Variants in ZBTB20 observed in about 807,000 individuals in gnomAD.
The protein encoded by ZBTB20 is zinc finger and BTB domain-containing protein 20.
In ZBTB20, 9 loss-of-function variants were observed where a neutral mutation model predicts 56.9. The observed-to-expected ratio is 0.16, with a 90% confidence interval of 0.10 to 0.28. ZBTB20 has a LOEUF of 0.28. Among genes scored for constraint, ZBTB20 ranks in the 10% least tolerant of loss-of-function variants. The pLI is 1.00. For missense variants in ZBTB20, 655 were observed against 1,003.0 expected (o/e 0.65, Z 4.69); for synonymous variants, 417 against 420.7 (o/e 0.99, Z 0.11).
At chr3:114,922,740 G>A (rs1338702447) in intron 3 of ZBTB20, among the ~76,000 whole-genome samples, 1 of 152,146 alleles carries the variant, frequency 6.6e-6, no homozygotes, top group Non-Finnish European at 1.5e-5. Flanking sequence ...AGATTACAAG[G>A]CAAGAGAGAA....
At chr3:114,831,593 G>C (rs2073846941) in intron 4 of ZBTB20, among the ~76,000 whole-genome samples, 1 of 151,996 alleles carries the variant, frequency 6.6e-6, no homozygotes, top group Non-Finnish European at 1.5e-5. Context: ...GTACTGCCTA[G>C]GTTGTAAGCT....
chr3:114,914,818 C>T (rs1023008563), intron 3 of ZBTB20, among the ~76,000 whole-genome samples: 1 of 151,524 alleles, frequency 6.6e-6, no homozygotes, highest in Non-Finnish European at 1.5e-5. Flanking sequence ...CCAGCATCAA[C>T]TGAAATAATC....
intron 5 of ZBTB20, among the ~76,000 whole-genome samples, chr3:114,762,176 T>A (rs2068486728): frequency 6.6e-6 from 1 of 152,166 alleles, no homozygotes; most frequent in African/African-American, 2.4e-5. Context: ...CACCAGTTAA[T>A]AATAGAAAAA....
chr3:114,855,571 C>T (rs2107451468), intron 4 of ZBTB20, among the ~76,000 whole-genome samples: 1 of 152,100 alleles, frequency 6.6e-6, no homozygotes, highest in South Asian at 2.1e-4. Flanking sequence ...GAAGGTAAAC[C>T]AAAAACTAGG....
At position 114,322,324 on chromosome 3, in the gene ZBTB20, G is replaced by A. The variant is rs535387105; in HGVS notation, c.*16681C>T. 6.6e-6 allele frequency: 1 copy of A among 152,242 alleles called. No individual in the cohort carries two copies. The highest frequency in any genetic ancestry group is 2.1e-4 in the South Asian group (1 of 4,812). 9.4% of individuals were successfully genotyped at this position (152,242 alleles called of 1,614,324 possible). A position where few individuals can be genotyped will look rare whatever the true frequency, so the allele number is the denominator to read the frequency against. On this transcript the variant is annotated 3_prime_UTR_variant, in exon 12 of 12. Transcript: ENST00000675478. Reference sequence around the variant, plus strand: ...TTTTAAACCTCTGATCAAATCCAAAGTCATAAAGATAGTTCAGTACGTCCT... The same window carrying A: ...TTTTAAACCTCTGATCAAATCCAAAATCATAAAGATAGTTCAGTACGTCCT...
intron 7 of ZBTB20, among the ~76,000 whole-genome samples, chr3:114,491,261 C>T (rs200052227): frequency 6.6e-6 from 1 of 152,204 alleles, no homozygotes; most frequent in East Asian, 1.9e-4. Flanking sequence ...GGTCCCCAAA[C>T]TGCTGGAGAA....
At chr3:114,778,365 C>T (rs2069794364) in intron 5 of ZBTB20, among the ~76,000 whole-genome samples, 1 of 149,244 alleles carries the variant, frequency 6.7e-6, no homozygotes, top group African/African-American at 2.5e-5. Flanking sequence ...AAAACAGCAA[C>T]AACAACAAAA....
intron 7 of ZBTB20, among the ~76,000 whole-genome samples, chr3:114,390,036 T>G (rs2085677836): frequency 6.6e-6 from 1 of 152,196 alleles, no homozygotes; most frequent in Admixed American, 6.5e-5. Flanking sequence ...TCTCTGGAGT[T>G]ATTCCTCCTG....
chr3:114,438,456 C>T (rs1300894607), intron 7 of ZBTB20, among the ~76,000 whole-genome samples: 1 of 146,832 alleles, frequency 6.8e-6, no homozygotes, highest in Non-Finnish European at 1.5e-5. Context: ...CAAAACAAAA[C>T]TTGGCTGAGA....
chr3:114,568,026 A>G (rs2052986098), intron 6 of ZBTB20, among the ~76,000 whole-genome samples: 1 of 152,222 alleles, frequency 6.6e-6, no homozygotes, highest in African/African-American at 2.4e-5. Flanking sequence ...CAGCAGTGTT[A>G]AAGGTGTCAG....
At chr3:114,681,543 T>G (rs2061974907) in intron 6 of ZBTB20, among the ~76,000 whole-genome samples, 1 of 152,238 alleles carries the variant, frequency 6.6e-6, no homozygotes, top group South Asian at 2.1e-4. Context: ...CCTTGGCTTT[T>G]CCATTTATTT....
At chr3:114,911,113 T>C (rs1206549050) in intron 3 of ZBTB20, among the ~76,000 whole-genome samples, 3 of 65,104 alleles carry the variant, frequency 4.6e-5, no homozygotes, top group Admixed American at 2.2e-4. Flanking sequence ...AAAAATTTTC[T>C]AGTTATCCCA....
At chr3:114,958,318 G>A (rs549997838) in intron 3 of ZBTB20, among the ~76,000 whole-genome samples, 1 of 152,034 alleles carries the variant, frequency 6.6e-6, no homozygotes, top group Non-Finnish European at 1.5e-5. Context: ...AACTTACTTT[G>A]TGTGACAGTA....
intron 4 of ZBTB20, among the ~76,000 whole-genome samples, chr3:114,889,788 G>C (rs1246250159): frequency 1.3e-5 from 2 of 152,024 alleles, no homozygotes; most frequent in East Asian, 1.9e-4. Flanking sequence ...TTTTAGATTA[G>C]TATAATGCTC....
chr3:114,941,252 T>C lies in ZBTB20; in HGVS notation c.-456+33114A>G, dbSNP rs1289145625. On this transcript the variant is annotated intron_variant, in intron 3 of 11. Coordinates refer to ENST00000675478, the MANE Select transcript of ZBTB20 (RefSeq NM_001348800.3). ...TTTACCTTGGGAAAAGATTTTCACA[T>C]ACTACTCTTCATTTAGTTCTTATAA... Among the ~76,000 whole-genome samples, 13 of 146,244 alleles carry C rather than the reference T, an allele frequency of 8.9e-5. 3 individuals are homozygous for C. Among genetic ancestry groups the C allele is most frequent in the African/African-American group, 3.6e-4 (13 of 36,002 alleles).
chr3:114,477,662 A>AT (rs1304746412), intron 7 of ZBTB20, among the ~76,000 whole-genome samples: 1 of 151,200 alleles, frequency 6.6e-6, no homozygotes, highest in African/African-American at 2.4e-5. Flanking sequence ...CGCCTGGCTA[A>AT]TTTTGTATTT....
At chr3:114,992,126 C>T (rs1030278279) in intron 2 of ZBTB20, among the ~76,000 whole-genome samples, 1 of 151,954 alleles carries the variant, frequency 6.6e-6, no homozygotes, top group South Asian at 2.1e-4. Context: ...CCCACTCTCT[C>T]TCACAAATAA....
At chr3:114,753,622 C>T (rs767804506) in intron 5 of ZBTB20, among the ~76,000 whole-genome samples, 19 of 151,540 alleles carry the variant, frequency 1.3e-4, no homozygotes, top group Non-Finnish European at 2.4e-4. Flanking sequence ...TTAATAGAGA[C>T]GGGGTTTTGC....
chr3:114,807,623 CATTAT>C (rs577639403), intron 4 of ZBTB20, among the ~76,000 whole-genome samples: 43 of 152,138 alleles, frequency 2.8e-4, no homozygotes, highest in South Asian at 2.1e-3. Context: ...TCATTACATA[CATTAT>C]AAGTTCTTCA....
Sources: allele counts gnomAD v4.1 joint callset (sites outside exome capture counted in the v4.1 genomes callset), GRCh38; gene constraint gnomAD v4.1.1; transcripts MANE v1.5; gene names NCBI Gene and HGNC (gene_info 2026-07-23, HGNC 2026-07-21).